FAM186B: variants seen among roughly 807,000 people sequenced by gnomAD.
FAM186B encodes the protein family with sequence similarity 186 member B, also known as protein FAM186B.
Under a neutral mutation model 83.4 loss-of-function variants are expected in FAM186B, and 68 were observed. The observed-to-expected ratio is 0.81, with a 90% CI of 0.67 to 1.00. The LOEUF is 1.00. Among genes scored for constraint, FAM186B ranks in the 50% least tolerant of loss-of-function variants. The pLI is 0.00. For missense variants in FAM186B, 983 were observed against 1,099.2 expected (o/e 0.89, Z 1.49); for synonymous variants, 389 against 422.0 (o/e 0.92, Z 0.96).
chr12:49,588,734 G>T, intron 5 of FAM186B, 111 bp from the exon 6 acceptor site: 1 of 1,098,870 alleles, frequency 9.1e-7, no homozygotes, highest in Non-Finnish European at 1.3e-6. Context: ...GGGCTGAGTG[G>T]AGAGGGTAAG....
At chr12:49,610,644 G>C in the FAM186B span, among the ~76,000 whole-genome samples, 2 of 151,926 alleles carry the variant, frequency 1.3e-5, no homozygotes, top group Admixed American at 6.6e-5. Context: ...CAAAAAACTA[G>C]CCGGACACGG....
rs982518854 is a variant in FAM186B at position 49,600,972 on chromosome 12, G to A, written c.668C>T (p.Thr223Ile). The change falls in exon 4 of 7, where the codon ACC becomes ATC. Residue 223 changes from threonine to isoleucine, a missense_variant. Transcript: ENST00000257894. The surrounding 1 kb of genome is among the most constrained non-coding windows in gnomAD (Gnocchi z 4.3). ...TSMLQELLDS[T>I]MFSKGEVRAI... ...CCTGACCTCCCCCTTGCTGAACATG[G>A]TAGAGTCCAGGAGCTCCTGCAGCAT... The A allele has an allele frequency of 6.2e-7, 1 of 1,614,112 alleles. No individual in the cohort carries two copies. The highest frequency in any genetic ancestry group is 1.3e-5 in the African/African-American group (1 of 75,042).
At chr12:49,617,879 G>C in the FAM186B span, among the ~76,000 whole-genome samples, 1 of 152,174 alleles carries the variant, frequency 6.6e-6, no homozygotes, top group Non-Finnish European at 1.5e-5. Context: ...ATGGATGAGA[G>C]ATTACTCACT....
chr12:49,597,720 T>C (rs1386388048), intron 5 of FAM186B, among the ~76,000 whole-genome samples: 2 of 152,220 alleles, frequency 1.3e-5, no homozygotes, highest in Non-Finnish European at 2.9e-5. Context: ...TGTCATGTTA[T>C]AAACCTTAAA....
At chr12:49,610,200 C>T (rs1284654225), upstream of FAM186B, among the ~76,000 whole-genome samples, 1 of 151,472 alleles carries the variant, frequency 6.6e-6, no homozygotes, top group Non-Finnish European at 1.5e-5. Context: ...AATTCTGTCC[C>T]CCCACACACA....
In FAM186B at chr12:49,600,841, G is replaced by A. The variant is rs1939872946; in HGVS notation, c.799C>T (p.Gln267Ter). ...TGGCTGCTGAGCTCTTTGGTCGCCT[G>A]CATTTGCAGGTGCCTGTATTTGGTC... Reference protein sequence around the residue: ...LETKYRHLQMQATKELSSQRL... With the variant: ...LETKYRHLQM Residue 267 changes from glutamine (Q) to a stop codon, truncating the protein, a stop_gained, in exon 4 of 7, where the codon CAG (glutamine) becomes TAG (stop). Coordinates refer to ENST00000257894, the MANE Select transcript of FAM186B (RefSeq NM_032130.3). LOFTEE classifies it high-confidence loss of function. This position sits in a 1 kb window ranked among gnomAD's most constrained non-coding sequence, Gnocchi z 4.3. 9.9e-6 allele frequency: 16 copies of A among 1,612,596 alleles called. No individual in the cohort carries two copies. Among genetic ancestry groups the A allele is most frequent in the Non-Finnish European group, 1.4e-5 (16 of 1,179,480 alleles).
chr12:49,604,577 A>C (rs1179624785), intron 1 of FAM186B, 39 bp from the exon 2 acceptor site: 1 of 1,575,368 alleles, frequency 6.3e-7, no homozygotes, highest in African/African-American at 1.3e-5. Context: ...AGGGCTGTGG[A>C]CTTGAGCCAG....
chr12:49,622,028 G>A, the FAM186B span, among the ~76,000 whole-genome samples: 1 of 152,224 alleles, frequency 6.6e-6, no homozygotes, highest in Non-Finnish European at 1.5e-5. Flanking sequence ...TTAAAGAAAA[G>A]AAAAGCATTT....
At chr12:49,593,753 G>A (rs1939644532) in intron 5 of FAM186B, among the ~76,000 whole-genome samples, 1 of 151,334 alleles carries the variant, frequency 6.6e-6, no homozygotes, top group Non-Finnish European at 1.5e-5. Flanking sequence ...TGGCAGGATC[G>A]CTTAAGGGCA....
At chr12:49,602,753 A>G (rs1939921423) in intron 3 of FAM186B, among the ~76,000 whole-genome samples, 1 of 152,188 alleles carries the variant, frequency 6.6e-6, no homozygotes, top group South Asian at 2.1e-4. Context: ...GATGGGAGTA[A>G]AAAGCCAAGG....
rs148574352 is a variant in FAM186B, at chr12:49,599,361, G to A, written c.2171+108C>T. The A allele has an allele frequency of 2.9e-3, 4,054 of 1,411,852 alleles. 12 individuals carry two copies. The highest frequency in any genetic ancestry group is 3.5e-3 in the Non-Finnish European group (3,796 of 1,081,066). The allele number at this position is 1,411,852 out of a possible 1,614,324, so 87.5% of individuals were successfully genotyped here. On this transcript the variant is annotated intron_variant, in intron 4 of 6. Coordinates refer to ENST00000257894, the MANE Select transcript of FAM186B (RefSeq NM_032130.3). ...AGGAGACCCTGTCCAGGCCTGGGGT[G>A]GCTCTCCCCATCCCCCCTTGCCCTG...
At chr12:49,618,863 A>T in the FAM186B span, among the ~76,000 whole-genome samples, 1 of 152,256 alleles carries the variant, frequency 6.6e-6, no homozygotes, top group African/African-American at 2.4e-5. Flanking sequence ...CAATAGGATG[A>T]TTCAAGATTA....
intron 4 of FAM186B, 129 bp from the exon 5 acceptor site, chr12:49,599,076 TG>T: frequency 1.1e-6 from 1 of 911,412 alleles, no homozygotes. Flanking sequence ...TGGTGAGAGC[TG>T]GGGAAAATGG....
chr12:49,584,482 G>A (rs769894778), downstream of FAM186B: 12 of 702,248 alleles, frequency 1.7e-5, no homozygotes, highest in South Asian at 1.8e-4. Context: ...GAGGGATGCA[G>A]TGGAGACTGG....
At chr12:49,609,215 G>A (rs1012168478), upstream of FAM186B, among the ~76,000 whole-genome samples, 3 of 152,200 alleles carry the variant, frequency 2.0e-5, no homozygotes, top group African/African-American at 7.2e-5. Context: ...CTGTGGACTG[G>A]TCTGAGTGAG....
At chr12:49,621,685 G>GA in the FAM186B span, among the ~76,000 whole-genome samples, 35 of 152,322 alleles carry the variant, frequency 2.3e-4, no homozygotes, top group East Asian at 4.0e-3. Flanking sequence ...GTTTGTGCAG[G>GA]AAAAAACAGA....
At chr12:49,595,035 CTCACAT>C in intron 5 of FAM186B, 1 of 214,420 alleles carries the variant, frequency 4.7e-6, no homozygotes, top group South Asian at 9.6e-5. Flanking sequence ...TGAAAATATG[CTCACAT>C]TATTGTTAGG....
chr12:49,609,106 A>C (rs958348661), upstream of FAM186B, among the ~76,000 whole-genome samples: 4 of 152,136 alleles, frequency 2.6e-5, no homozygotes, highest in Non-Finnish European at 4.4e-5. Context: ...AGGTGCTGGC[A>C]ATGTGCTCTT....
At chr12:49,595,321 G>T in intron 5 of FAM186B, 1 of 627,792 alleles carries the variant, frequency 1.6e-6, no homozygotes, top group South Asian at 1.4e-5. Context: ...GGGACCATAT[G>T]ACATAGTAGT....
Sources: allele counts gnomAD v4.1 joint callset (sites outside exome capture counted in the v4.1 genomes callset), GRCh38; gene constraint gnomAD v4.1.1; non-coding constraint Gnocchi (gnomAD v3.1); transcripts MANE v1.5; gene names NCBI Gene and HGNC (gene_info 2026-07-23, HGNC 2026-07-21).